SPON2: variants seen among roughly 807,000 people sequenced by gnomAD.
SPON2 encodes spondin 2, also known as spondin-2.
In SPON2, 32 loss-of-function variants were observed where a neutral mutation model predicts 29.9. The observed-to-expected ratio is 1.07, with a 90% CI of 0.81 to 1.44. The LOEUF is 1.44. Ranked by LOEUF, SPON2 falls within the 40% of genes most tolerant of loss-of-function variation. The probability of loss-of-function intolerance (pLI) is 0.00; values close to 1 mark genes in which losing one functional copy is unlikely to be tolerated. For synonymous variants in SPON2, 248 were observed against 209.1 expected (o/e 1.19, Z -1.61); for missense variants, 541 against 455.5 (o/e 1.19, Z -1.71).
intron 1 of SPON2, among the ~76,000 whole-genome samples, chr4:1,188,202 C>CAAAAAAAAAAAAAAAAA (rs1164276990): frequency 5.5e-5 from 2 of 36,582 alleles, no homozygotes; most frequent in Non-Finnish European, 1.1e-4. Flanking sequence ...GACTCCGTCT[C>CAAAAAAAAAAAAAAAAA]AAAAAAAAAA....
chr4:1,184,454 G>C (rs1053405576), intron 1 of SPON2, among the ~76,000 whole-genome samples: 2 of 152,130 alleles, frequency 1.3e-5, no homozygotes, highest in African/African-American at 4.8e-5. Flanking sequence ...AACCGAAAGA[G>C]AGCAGCAGAA....
upstream of SPON2, chr4:1,172,711 G>A (rs1727497720): frequency 6.5e-6 from 1 of 152,698 alleles, no homozygotes; most frequent in African/African-American, 2.4e-5. Context: ...ATAGGACGTG[G>A]GAGAAAGGAG....
intron 5 of SPON2, among the ~76,000 whole-genome samples, chr4:1,168,429 A>G (rs1351905818): frequency 1.3e-5 from 2 of 152,172 alleles, no homozygotes; most frequent in African/African-American, 2.4e-5. Flanking sequence ...CTACTGAAGG[A>G]TGAGAGAGAG....
intron 5 of SPON2, 81 bp from the exon 6 acceptor site, chr4:1,167,737 C>G: frequency 6.9e-7 from 1 of 1,451,118 alleles, no homozygotes; most frequent in South Asian, 1.4e-5. Flanking sequence ...CTCCCACCAA[C>G]GTGTGCATTC....
At chr4:1,200,918 G>A (rs2108680009) in intron 1 of SPON2, 1 of 456,764 alleles carries the variant, frequency 2.2e-6, no homozygotes. Flanking sequence ...CTCTGCCCTG[G>A]ATGTGGGCAC....
At chr4:1,203,871 C>A (rs1046164041) in intron 1 of SPON2, among the ~76,000 whole-genome samples, 4 of 151,844 alleles carry the variant, frequency 2.6e-5, no homozygotes, top group South Asian at 2.1e-4. Flanking sequence ...TATTCAAATT[C>A]TTTTGCCTTT....
intron 1 of SPON2, among the ~76,000 whole-genome samples, chr4:1,205,639 C>G (rs921999081): frequency 6.6e-6 from 1 of 152,230 alleles, no homozygotes; most frequent in Non-Finnish European, 1.5e-5. Context: ...CCTACGGCAG[C>G]CTTGGGAAGG....
At chr4:1,197,416 C>T (rs1469226628), upstream of SPON2, among the ~76,000 whole-genome samples, 1 of 152,154 alleles carries the variant, frequency 6.6e-6, no homozygotes, top group African/African-American at 2.4e-5. Context: ...CCCAGGTAGC[C>T]CTTGGGTAAA....
intron 1 of SPON2, among the ~76,000 whole-genome samples, chr4:1,186,038 A>G (rs921486846): frequency 1.1e-4 from 16 of 150,144 alleles, no homozygotes; most frequent in Non-Finnish European, 2.1e-4. Flanking sequence ...AGGTCAGGAG[A>G]TCGAGACCAT....
chr4:1,167,911 G>T, intron 5 of SPON2: 1 of 422,824 alleles, frequency 2.4e-6, no homozygotes. Flanking sequence ...TCCCTGTGGT[G>T]GTGGAACTCC....
intron 1 of SPON2, among the ~76,000 whole-genome samples, chr4:1,194,725 C>CG (rs1728003765): frequency 6.6e-6 from 1 of 152,058 alleles, no homozygotes; most frequent in Admixed American, 6.5e-5. Flanking sequence ...CTGCCGGGCG[C>CG]GGGGGGAATG....
intron 1 of SPON2, among the ~76,000 whole-genome samples, chr4:1,189,448 G>A (rs189863717): frequency 6.6e-6 from 1 of 151,256 alleles, no homozygotes; most frequent in Admixed American, 6.6e-5. Flanking sequence ...CTTGAGCTCA[G>A]GAGTTCAAGA....
At chr4:1,179,940 A>G (rs1306903478) in intron 1 of SPON2, among the ~76,000 whole-genome samples, 1 of 152,136 alleles carries the variant, frequency 6.6e-6, no homozygotes, top group Non-Finnish European at 1.5e-5. Context: ...CAGTTGCCCA[A>G]GGTGGTGGCT....
chr4:1,188,371 A>G (rs1012318365), intron 1 of SPON2, among the ~76,000 whole-genome samples: 13 of 152,216 alleles, frequency 8.5e-5, no homozygotes, highest in Admixed American at 7.2e-4. Flanking sequence ...TTATCAACTC[A>G]GTATGTAGTG....
chr4:1,176,807 A>C (rs575615898), upstream of SPON2, among the ~76,000 whole-genome samples: 1 of 146,622 alleles, frequency 6.8e-6, no homozygotes, highest in South Asian at 2.1e-4. Context: ...ACATTCATGC[A>C]ATCATCCACA....
intron 1 of SPON2, among the ~76,000 whole-genome samples, chr4:1,207,662 C>T (rs1381228450): frequency 1.3e-5 from 2 of 150,490 alleles, no homozygotes; most frequent in South Asian, 2.1e-4. Context: ...AACCATGCGC[C>T]GCGCTTACAC....
At chr4:1,176,291 C>T (rs1440005596), upstream of SPON2, among the ~76,000 whole-genome samples, 1 of 152,144 alleles carries the variant, frequency 6.6e-6, no homozygotes, top group Non-Finnish European at 1.5e-5. Flanking sequence ...GTAACTCACA[C>T]ACCAGCACTT....
At chr4:1,192,240 CG>C (rs1727928853) in intron 1 of SPON2, among the ~76,000 whole-genome samples, 1 of 152,226 alleles carries the variant, frequency 6.6e-6, no homozygotes, top group African/African-American at 2.4e-5. Flanking sequence ...TCCCTTTCCT[CG>C]TGACCCACAG....
chr4:1,204,462 C>T lies in SPON2; in HGVS notation c.-234+3418G>A, dbSNP rs146319020. Among the ~76,000 whole-genome samples, 217 of 152,338 alleles carry T rather than the reference C, an allele frequency of 1.4e-3. 1 individual carries two copies. Among genetic ancestry groups the T allele is most frequent in the African/African-American group, 4.9e-3 (202 of 41,572 alleles). Reference sequence around the variant, plus strand: ...AACACAGCCTCTCACTGATTCAAAACGTCCTTTTGGCGTGTCTGTAATGCC... The same window carrying T: ...AACACAGCCTCTCACTGATTCAAAATGTCCTTTTGGCGTGTCTGTAATGCC... On this transcript the variant is annotated intron_variant, in intron 1 of 3. Transcript: ENST00000509233.
Sources: gnomAD v4.1 joint callset for allele counts (sites outside exome capture counted in the v4.1 genomes callset) on GRCh38, gnomAD v4.1.1 for gene constraint, MANE v1.5 for transcripts, NCBI Gene and HGNC (gene_info 2026-07-23, HGNC 2026-07-21) for gene names.